NANOG: variants seen among roughly 807,000 people sequenced by gnomAD.
NANOG encodes Nanog homeobox.
NANOG carries 2 observed loss-of-function variants against 17.7 expected under a neutral mutation model. The ratio of observed to expected loss-of-function variants is 0.11; its 90% CI spans 0.05 to 0.36. The LOEUF is 0.36. Among genes scored for constraint, NANOG ranks in the 10% least tolerant of loss-of-function variants. The pLI is 1.00. For synonymous variants in NANOG, 81 were observed against 124.7 expected, an observed-to-expected ratio of 0.65 and a Z score of 2.33; for missense variants, 174 against 362.1, an observed-to-expected ratio of 0.48 and a Z score of 4.22.
Position 7,797,583 on chromosome 12 carries a change from C to T in NANOG, c.*2488C>T, listed in dbSNP as rs1862948634. The T allele has an allele frequency of 6.6e-6, 1 of 152,276 alleles. No individual in the cohort carries two copies. Among genetic ancestry groups the T allele is most frequent in the South Asian group, 2.1e-4 (1 of 4,830 alleles). The allele number at this position is 152,276 out of a possible 1,614,324, so 9.4% of individuals were successfully genotyped here. On this transcript the variant is annotated 3_prime_UTR_variant, in exon 4 of 4. Coordinates refer to ENST00000229307, the MANE Select transcript of NANOG (RefSeq NM_024865.4). The stretch of plus-strand genomic sequence containing the variant: ...TATTGACCAGGCTGGTCTCGAACTC[C>T]TGACCTCAGGTAATCCACCCTCCTC...
rs2120583145 is a variant in NANOG at position 7,797,089 on chromosome 12, CTA to C, written c.*1996_*1997del. ...GTTTGTTTTTTTAGACAGTCTCTCT[CTA>C]TTGCCCAGGCTGGAGTGCAGTGGCA... On this transcript the variant is annotated 3_prime_UTR_variant, in exon 4 of 4. Transcript: ENST00000229307. 6.6e-6 allele frequency: 1 copy of C among 152,016 alleles called. No homozygotes were observed. Among genetic ancestry groups the C allele is most frequent in the South Asian group, 2.1e-4 (1 of 4,808 alleles). The allele number at this position is 152,016 out of a possible 1,614,324, so 9.4% of individuals were successfully genotyped here. A position where few individuals can be genotyped will look rare whatever the true frequency, so the allele number is the denominator to read the frequency against.
In NANOG at chr12:7,797,320, TG is replaced by T; in HGVS notation, c.*2227del. The stretch of plus-strand genomic sequence containing the variant: ...ATCCACCTGACTCGGCCTCCCAAAG[TG>T]GTGGGATTATAGGTGTGAGCCACCG... On this transcript the variant is annotated 3_prime_UTR_variant, in exon 4 of 4. Coordinates refer to ENST00000229307, the MANE Select transcript of NANOG (RefSeq NM_024865.4). The T allele has an allele frequency of 6.6e-6, 1 of 150,942 alleles. No homozygotes were observed. The highest frequency in any genetic ancestry group is 2.0e-4 in the East Asian group (1 of 5,106). The allele number at this position is 150,942 out of a possible 1,614,324, so 9.4% of individuals were successfully genotyped here.
chr12:7,798,556 G>A lies in NANOG; in HGVS notation c.*3461G>A, dbSNP rs1262813823. The stretch of plus-strand genomic sequence containing the variant: ...TAAAATTCATTATTTTGATTTCTCA[G>A]CTTTCATTTTCATTTCAGTTTGTAC... On this transcript the variant is annotated 3_prime_UTR_variant, in exon 4 of 4. Transcript: ENST00000229307. 1 of 152,006 alleles carries A rather than the reference G, an allele frequency of 6.6e-6. No individual in the cohort carries two copies. The highest frequency in any genetic ancestry group is 2.4e-5 in the African/African-American group (1 of 41,350). 9.4% of individuals were successfully genotyped at this position (152,006 alleles called of 1,614,324 possible).
At position 7,797,912 on chromosome 12, in the gene NANOG, C is replaced by T. The variant is rs10772739; in HGVS notation, c.*2817C>T. On this transcript the variant is annotated 3_prime_UTR_variant, in exon 4 of 4. Coordinates refer to ENST00000229307, the MANE Select transcript of NANOG (RefSeq NM_024865.4). Reference sequence around the variant, plus strand: ...AAGCAGTCTACCAGCCTTGGCCTCCCGAAGTGCTGAGATTACAGGCATGAG... The same window carrying T: ...AAGCAGTCTACCAGCCTTGGCCTCCTGAAGTGCTGAGATTACAGGCATGAG... 61,880 of 151,444 alleles carry T rather than the reference C, an allele frequency of 0.41. 13,708 individuals carry two copies. Among genetic ancestry groups the T allele is most frequent in the South Asian group, 0.56 (2,674 of 4,800 alleles). The allele number at this position is 151,444 out of a possible 1,614,324, so 9.4% of individuals were successfully genotyped here. A position where few individuals can be genotyped will look rare whatever the true frequency, so the allele number is the denominator to read the frequency against.
intron 1 of NANOG, 134 bp downstream of exon 1, chr12:7,789,899 C>T (rs922875828): frequency 1.1e-6 from 1 of 924,758 alleles, no homozygotes; most frequent in Non-Finnish European, 1.6e-6. Flanking sequence ...TCAACTAATC[C>T]TCTGGAAACC....
Position 7,794,459 on chromosome 12 carries a change from G to A in NANOG, c.417G>A (p.Val139=). 10 of 1,611,256 alleles carry A rather than the reference G, an allele frequency of 6.2e-6. No homozygotes were observed. The highest frequency in any genetic ancestry group is 8.5e-6 in the Non-Finnish European group (10 of 1,178,326). The change falls in exon 3 of 4, where the codon GTG becomes GTA. Residue 139 remains valine (V), a splice_region_variant and synonymous_variant. Coordinates refer to ENST00000229307, the MANE Select transcript of NANOG (RefSeq NM_024865.4). The part of the protein sequence containing the change: ...SNILNLSYKQ[V]KTWFQNQRMK... ...ATTTCTATCATTTTTTCCTGCAGGT[G>A]AAGACCTGGTTCCAGAACCAGAGAA... is the stretch of plus-strand genomic sequence containing the variant.
chr12:7,789,870 C>A (rs148458769), intron 1 of NANOG, 105 bp downstream of exon 1: 1 of 1,210,790 alleles, frequency 8.3e-7, no homozygotes, highest in Non-Finnish European at 1.2e-6. Context: ...TGGACCATTA[C>A]TATAAAGAAG....
At position 7,795,222 on chromosome 12, in the gene NANOG, C is replaced by T. The variant is rs769060718; in HGVS notation, c.*127C>T. ...CACGTGTTCTGGTTTCCATGATGCC[C>T]ATCCAGTCAATCTCATGGAGGGTGG... On this transcript the variant is annotated 3_prime_UTR_variant, in exon 4 of 4. Coordinates refer to ENST00000229307, the MANE Select transcript of NANOG (RefSeq NM_024865.4). 65 of 744,986 alleles carry T rather than the reference C, an allele frequency of 8.7e-5. No individual in the cohort carries two copies. Among genetic ancestry groups the T allele is most frequent in the Admixed American group, 5.9e-4 (31 of 52,380 alleles). The allele number at this position is 744,986 out of a possible 1,614,324, so 46.1% of individuals were successfully genotyped here. A position where few individuals can be genotyped will look rare whatever the true frequency, so the allele number is the denominator to read the frequency against.
Position 7,793,119 on chromosome 12 carries a change from G to C in NANOG, c.321G>C (p.Leu107=). The C allele has an allele frequency of 6.2e-7, 1 of 1,607,592 alleles. No individual in the cohort carries two copies. The highest frequency in any genetic ancestry group is 1.7e-5 in the Admixed American group (1 of 59,976). ...KTRTVFSSTQ[L]CVLNDRFQRQ... is the part of the protein sequence containing the mutation. ...GAACTGTGTTCTCTTCCACCCAGCT[G>C]TGTGTACTCAATGATAGATTTCAGA... Residue 107 remains leucine (L), a synonymous_variant, in exon 2 of 4, where the codon CTG becomes CTC. Transcript: ENST00000229307.
chr12:7,792,855 G>A lies in NANOG; in HGVS notation c.152-95G>A, dbSNP rs1197318775. ...TTATTACTTAGATCTGGGGTTCTGG[G>A]AATTATCAAAGTACTTTGAAAACAA... is the stretch of plus-strand genomic sequence containing the variant. On this transcript the variant is annotated intron_variant, in intron 1 of 3. Coordinates refer to ENST00000229307, the MANE Select transcript of NANOG (RefSeq NM_024865.4). 8 of 1,290,564 alleles carry A rather than the reference G, an allele frequency of 6.2e-6. No homozygotes were observed. The East Asian group carries it at 1.2e-4, about 19-fold the overall frequency. 79.9% of individuals were successfully genotyped at this position (1,290,564 alleles called of 1,614,324 possible).
At chr12:7,791,481 T>C (rs1785079392) in intron 1 of NANOG, among the ~76,000 whole-genome samples, 1 of 152,118 alleles carries the variant, frequency 6.6e-6, no homozygotes, top group South Asian at 2.1e-4. Flanking sequence ...ACAGTTTATA[T>C]AGGTAGCTAA....
intron 1 of NANOG, 118 bp downstream of exon 1, chr12:7,789,883 T>A (rs972887005): frequency 9.2e-7 from 1 of 1,088,798 alleles, no homozygotes; most frequent in Non-Finnish European, 1.3e-6. Context: ...TAAAGAAGTG[T>A]TATTATCAAC....
Position 7,792,980 on chromosome 12 carries a change from T to C in NANOG, c.182T>C (p.Leu61Pro). The C allele has an allele frequency of 1.9e-6, 3 of 1,609,014 alleles. No homozygotes were observed. Among genetic ancestry groups the C allele is most frequent in the Non-Finnish European group, 2.5e-6 (3 of 1,177,624 alleles). Residue 61 changes from leucine (L) to proline (P), a missense_variant, in exon 2 of 4, where the codon CTT (leucine) becomes CCT (proline). Physicochemically the swap from Leu to Pro is moderately conservative, Grantham distance 98 (BLOSUM62 -3). This residue lies in a region of NANOG where 158 missense variants were observed against 244.2 expected (regional missense o/e 0.65). Transcript: ENST00000229307. ...CCTCTTCCTTCCTCCATGGATCTGC[T>C]TATTCAGGACAGCCCTGATTCTTCC... Reference protein sequence around the residue: ...VSPLPSSMDLLIQDSPDSSTS... With the variant: ...VSPLPSSMDLPIQDSPDSSTS...
At chr12:7,793,847 T>C (rs1207529023) in intron 2 of NANOG, among the ~76,000 whole-genome samples, 1 of 152,110 alleles carries the variant, frequency 6.6e-6, no homozygotes, top group African/African-American at 2.4e-5. Flanking sequence ...GTTCAAGGGA[T>C]TCTCCTGCCT....
chr12:7,793,343 G>T, intron 2 of NANOG, 131 bp downstream of exon 2: 1 of 776,160 alleles, frequency 1.3e-6, no homozygotes, highest in South Asian at 1.9e-5. Context: ...AATTTATGAA[G>T]ATGAAATGCT....
chr12:7,794,138 A>G (rs1463506613), intron 2 of NANOG, among the ~76,000 whole-genome samples: 2 of 152,072 alleles, frequency 1.3e-5, no homozygotes, highest in East Asian at 1.9e-4. Flanking sequence ...CAGTGATGCA[A>G]TCTTGGCTCA....
rs374570221 is a variant in NANOG at position 7,789,783 on chromosome 12, C to T, written c.151+18C>T. 172 of 1,610,078 alleles carry T rather than the reference C, an allele frequency of 1.1e-4. No individual in the cohort carries two copies. In the African/African-American group the frequency reaches 2.1e-3, roughly 19 times the overall value. Reference sequence around the variant, plus strand: ...GGAGACTGGTAAGAAAGAAATTTATCCTTGAAAGGCCAAGTTCCTTAAGGG... The same window carrying T: ...GGAGACTGGTAAGAAAGAAATTTATTCTTGAAAGGCCAAGTTCCTTAAGGG... On this transcript the variant is annotated intron_variant, in intron 1 of 3. Transcript: ENST00000229307.
chr12:7,797,651 C>G lies in NANOG; in HGVS notation c.*2556C>G, dbSNP rs753186134. 1 of 152,042 alleles carries G rather than the reference C, an allele frequency of 6.6e-6. No individual in the cohort carries two copies. Among genetic ancestry groups the G allele is most frequent in the South Asian group, 2.1e-4 (1 of 4,806 alleles). The allele number at this position is 152,042 out of a possible 1,614,324, so 9.4% of individuals were successfully genotyped here. A position where few individuals can be genotyped will look rare whatever the true frequency, so the allele number is the denominator to read the frequency against. ...GGATTACAGGCATGAGCCACAGTGC[C>G]CAGCCTTCTTTTTTATTTTTTTAAG... On this transcript the variant is annotated 3_prime_UTR_variant, in exon 4 of 4. Coordinates refer to ENST00000229307, the MANE Select transcript of NANOG (RefSeq NM_024865.4).
chr12:7,793,443 A>G (rs2120569816), intron 2 of NANOG, among the ~76,000 whole-genome samples: 1 of 152,342 alleles, frequency 6.6e-6, no homozygotes, highest in East Asian at 1.9e-4. Flanking sequence ...GCACAGACCA[A>G]TATTGTGAAA....
Sources: allele counts gnomAD v4.1 joint callset (sites outside exome capture counted in the v4.1 genomes callset), GRCh38; gene constraint gnomAD v4.1.1; regional missense constraint gnomAD v4.1.1; transcripts MANE v1.5; gene names NCBI Gene and HGNC (gene_info 2026-07-23, HGNC 2026-07-21).